The following RBM26 variants were observed in gnomAD, a reference collection of about 807,000 sequenced individuals.
RBM26 encodes the protein RNA-binding protein 26.
A neutral mutation model predicts 123.6 loss-of-function variants in RBM26; 30 were observed. The ratio of observed to expected loss-of-function variants is 0.24; its 90% CI spans 0.18 to 0.33. The LOEUF (loss-of-function observed/expected upper bound fraction) is 0.33, where lower values mean the gene tolerates loss of function less well. RBM26 is among the 10% of genes least tolerant of loss of function. The pLI is 1.00. For synonymous variants in RBM26, 400 were observed against 404.4 expected (o/e 0.99, Z 0.13); for missense variants, 947 against 1,203.6 (o/e 0.79, Z 3.15).
intron 20 of RBM26, among the ~76,000 whole-genome samples, chr13:79,329,086 C>T (rs947546933): frequency 6.6e-6 from 1 of 151,960 alleles, no homozygotes; most frequent in African/African-American, 2.4e-5. Context: ...CGTACATATC[C>T]GTTCACCCAC....
intron 1 of RBM26, among the ~76,000 whole-genome samples, chr13:79,392,237 A>G (rs113343884): frequency 8.9e-5 from 11 of 123,338 alleles, no homozygotes; most frequent in East Asian, 2.3e-4. Context: ...ATAATTATAT[A>G]TTATACAATA....
At chr13:79,369,081 T>C (rs945553670) in intron 5 of RBM26, 91 bp from the exon 6 acceptor site, 6 of 810,488 alleles carry the variant, frequency 7.4e-6, no homozygotes, top group African/African-American at 1.8e-5. Context: ...TTTATAAACA[T>C]AGAAAAAAAA....
At chr13:79,324,036 G>A (rs2068026534) in intron 20 of RBM26, among the ~76,000 whole-genome samples, 1 of 150,812 alleles carries the variant, frequency 6.6e-6, no homozygotes, top group Non-Finnish European at 1.5e-5. Flanking sequence ...AATCTTTAAA[G>A]TTTAAACAAT....
intron 20 of RBM26, among the ~76,000 whole-genome samples, chr13:79,327,113 T>G (rs1304042545): frequency 6.6e-6 from 1 of 151,952 alleles, no homozygotes; most frequent in African/African-American, 2.4e-5. Context: ...CTGGACAACA[T>G]GGTGAGACCC....
At chr13:79,368,433 G>A (rs917839031) in intron 6 of RBM26, among the ~76,000 whole-genome samples, 1 of 152,126 alleles carries the variant, frequency 6.6e-6, no homozygotes, top group African/African-American at 2.4e-5. Flanking sequence ...AATGAGTTTT[G>A]TCAATAATGT....
chr13:79,389,251 G>C (rs889973795), intron 1 of RBM26, among the ~76,000 whole-genome samples: 1 of 152,052 alleles, frequency 6.6e-6, no homozygotes, highest in Non-Finnish European at 1.5e-5. Context: ...CATAAAACAA[G>C]TTCCTCTGAA....
chr13:79,387,852 T>C (rs1338735332), intron 1 of RBM26, among the ~76,000 whole-genome samples: 1 of 152,234 alleles, frequency 6.6e-6, no homozygotes, highest in African/African-American at 2.4e-5. Flanking sequence ...ATTTTGTGTA[T>C]TTCTCCTAAA....
rs772608615 is a variant in RBM26 at position 79,371,911 on chromosome 13, C to T, written c.347G>A (p.Arg116Gln). 4.4e-6 allele frequency: 7 copies of T among 1,606,692 alleles called. No individual in the cohort carries two copies. Among genetic ancestry groups the T allele is most frequent in the East Asian group, 2.2e-5 (1 of 44,780 alleles). ...KKEEITKEEEREKKFSRRLNH... is the reference protein window; with the variant it reads ...KKEEITKEEEQEKKFSRRLNH... ...TAGCCTTCTAGAAAACTTCTTCTCT[C>T]GCTCTTCCTCCTTAGTGATCTGATT... The change falls in exon 4 of 22, where the codon CGA (arginine) becomes CAA (glutamine). Residue 116 changes from arginine to glutamine, a missense_variant. By Grantham distance (43) the Arg-to-Gln change is conservative. Transcript: ENST00000438737.
chr13:79,312,601 A>G (rs1439681783), exon 5 of RBM26: 1 of 152,048 alleles, frequency 6.6e-6, no homozygotes, highest in Non-Finnish European at 1.5e-5. Flanking sequence ...CATTTGAAAT[A>G]AGGGAAAACA....
chr13:79,396,685 A>ACTG (rs2078594481), intron 1 of RBM26, among the ~76,000 whole-genome samples: 1 of 38,212 alleles, frequency 2.6e-5, no homozygotes, highest in Non-Finnish European at 6.2e-5. Flanking sequence ...AAAAAAATAG[A>ACTG]ACCCTAAATA....
At chr13:79,362,723 T>C (rs1287408971) in intron 9 of RBM26, among the ~76,000 whole-genome samples, 1 of 152,202 alleles carries the variant, frequency 6.6e-6, no homozygotes, top group East Asian at 1.9e-4. Flanking sequence ...TTTTTTACTT[T>C]AATATGTTCC....
chr13:79,378,028 T>C (rs990989941), intron 2 of RBM26, among the ~76,000 whole-genome samples: 3 of 152,212 alleles, frequency 2.0e-5, no homozygotes, highest in Admixed American at 6.5e-5. Flanking sequence ...TTCATGCTAT[T>C]TTCAAGACGG....
At position 79,319,898 on chromosome 13, in the gene RBM26, CTTTTCTT is replaced by C; in HGVS notation, c.*716_*722del. ...TGGAATGGTCTATTTTAATTTTTTT[CTTTTCTT>C]TTTTCTTTTCTTTTTTTTTTTAAAT... On this transcript the variant is annotated 3_prime_UTR_variant, in exon 22 of 22. Coordinates refer to ENST00000438737, the MANE Select transcript of RBM26 (RefSeq NM_001366735.2). The C allele has an allele frequency of 1.2e-6, 1 of 837,670 alleles. No individual in the cohort carries two copies. The highest frequency in any genetic ancestry group is 4.0e-5 in the African/African-American group (1 of 24,746). The allele number at this position is 837,670 out of a possible 1,614,324, so 51.9% of individuals were successfully genotyped here.
chr13:79,400,291 G>A (rs1246050625), intron 1 of RBM26, among the ~76,000 whole-genome samples: 3 of 152,138 alleles, frequency 2.0e-5, no homozygotes, highest in African/African-American at 7.2e-5. Flanking sequence ...TCACAGTTCT[G>A]GAGGCTGGGA....
Position 79,354,485 on chromosome 13 carries a change from G to A in RBM26, c.1940C>T (p.Thr647Ile). 1 of 1,607,088 alleles carries A rather than the reference G, an allele frequency of 6.2e-7. No homozygotes were observed. Among genetic ancestry groups the A allele is most frequent in the Non-Finnish European group, 8.5e-7 (1 of 1,175,300 alleles). ...KERLGPVPSS[T>I]IEPAEAQSAS... ...ACTCTGGGCTTCTGCAGGTTCAATAGTACTTGAAGGTACTGGACCCAGCCG... is the reference window on the plus strand; with the variant it reads ...ACTCTGGGCTTCTGCAGGTTCAATAATACTTGAAGGTACTGGACCCAGCCG... The change falls in exon 13 of 22, where the codon ACT becomes ATT. Residue 647 changes from threonine (T) to isoleucine (I), a missense_variant. Coordinates refer to ENST00000438737, the MANE Select transcript of RBM26 (RefSeq NM_001366735.2).
At chr13:79,337,377 T>G in intron 18 of RBM26, 75 bp from the exon 19 acceptor site, 1 of 1,508,234 alleles carries the variant, frequency 6.6e-7, no homozygotes, top group South Asian at 1.2e-5. Context: ...CTCTGGCAGA[T>G]GAATAAAACT....
At chr13:79,314,648 C>G (rs2067000987), downstream of RBM26, 1 of 159,010 alleles carries the variant, frequency 6.3e-6, no homozygotes, top group South Asian at 1.8e-4. Context: ...TACAGATTTC[C>G]TAGACACAAT....
Position 79,377,528 on chromosome 13 carries a change from C to T in RBM26, c.191-13G>A. ...AATATCTGTGTCTCTAAAAATAAAA[C>T]CAAACACCATAGATTAAAACACATT... On this transcript the variant is annotated splice_polypyrimidine_tract_variant and intron_variant, in intron 2 of 21. Coordinates refer to ENST00000438737, the MANE Select transcript of RBM26 (RefSeq NM_001366735.2). 1 of 1,592,736 alleles carries T rather than the reference C, an allele frequency of 6.3e-7. No individual in the cohort carries two copies. The highest frequency in any genetic ancestry group is 8.6e-7 in the Non-Finnish European group (1 of 1,162,096).
intron 6 of RBM26, among the ~76,000 whole-genome samples, chr13:79,367,846 C>T (rs1191373495): frequency 6.6e-6 from 1 of 151,730 alleles, no homozygotes; most frequent in Non-Finnish European, 1.5e-5. Context: ...ACAAAAAAAA[C>T]ACACAAATGA....
Sources: gnomAD v4.1 joint callset for allele counts (sites outside exome capture counted in the v4.1 genomes callset) on GRCh38, gnomAD v4.1.1 for gene constraint, MANE v1.5 for transcripts, NCBI Gene and HGNC (gene_info 2026-07-23, HGNC 2026-07-21) for gene names.